The following PDZRN4 variants were observed in gnomAD, a reference collection of about 807,000 sequenced individuals.
PDZRN4 encodes the protein PDZ domain-containing RING finger protein 4.
PDZRN4 carries 70 observed loss-of-function variants against 99.0 expected under a neutral mutation model. The observed-to-expected ratio is 0.71, with a 90% CI of 0.58 to 0.86. The LOEUF (loss-of-function observed/expected upper bound fraction) is 0.86. Among genes scored for constraint, PDZRN4 ranks in the 40% least tolerant of loss-of-function variants. The pLI is 0.00. For missense variants in PDZRN4, 1,474 were observed against 1,331.2 expected, an observed-to-expected ratio of 1.11 and a Z score of -1.67; for synonymous variants, 551 against 501.6, an observed-to-expected ratio of 1.10 and a Z score of -1.32.
chr12:41,428,894 T>C (rs1476625784), intron 3 of PDZRN4, among the ~76,000 whole-genome samples: 2 of 152,246 alleles, frequency 1.3e-5, no homozygotes, highest in East Asian at 3.9e-4. Flanking sequence ...ACAGTTCAGA[T>C]TGACAGGGCC....
At chr12:41,220,645 TA>T (rs1268424595) in intron 3 of PDZRN4, among the ~76,000 whole-genome samples, 1 of 152,146 alleles carries the variant, frequency 6.6e-6, no homozygotes, top group Non-Finnish European at 1.5e-5. Context: ...TGTATACAAC[TA>T]GACTCTGGTA....
At chr12:41,260,081 A>G (rs917352268) in intron 3 of PDZRN4, among the ~76,000 whole-genome samples, 5 of 152,190 alleles carry the variant, frequency 3.3e-5, no homozygotes, top group Admixed American at 3.3e-4. Flanking sequence ...AAATAATCTA[A>G]TGCATTTTCT....
chr12:41,450,213 A>G (rs948788209), intron 3 of PDZRN4, among the ~76,000 whole-genome samples: 3 of 152,164 alleles, frequency 2.0e-5, no homozygotes, highest in Non-Finnish European at 4.4e-5. Context: ...TTTTACTTGT[A>G]TTATTTGTTA....
intron 3 of PDZRN4, chr12:41,412,555 GATAA>G (rs1289774377): frequency 2.0e-5 from 3 of 152,076 alleles, no homozygotes; most frequent in Non-Finnish European, 4.4e-5. Flanking sequence ...AAGATGTATA[GATAA>G]ATACTCAGTA....
chr12:41,224,406 A>G (rs1950979495), intron 3 of PDZRN4, among the ~76,000 whole-genome samples: 1 of 152,200 alleles, frequency 6.6e-6, no homozygotes, highest in Non-Finnish European at 1.5e-5. Context: ...AGTCTTGTAC[A>G]TTTATTGTAT....
intron 3 of PDZRN4, among the ~76,000 whole-genome samples, chr12:41,417,607 A>G (rs959059392): frequency 6.6e-6 from 1 of 152,254 alleles, no homozygotes; most frequent in Non-Finnish European, 1.5e-5. Context: ...ATGCAATGTC[A>G]GAACTCCTAT....
chr12:41,401,548 C>T (rs907532763), intron 3 of PDZRN4, among the ~76,000 whole-genome samples: 1 of 152,116 alleles, frequency 6.6e-6, no homozygotes, highest in African/African-American at 2.4e-5. Flanking sequence ...CTTGCCTCAA[C>T]CTTTTTCACC....
At chr12:41,380,883 A>G (rs1389681324) in intron 3 of PDZRN4, among the ~76,000 whole-genome samples, 1 of 152,112 alleles carries the variant, frequency 6.6e-6, no homozygotes, top group African/African-American at 2.4e-5. Context: ...GAAGTAATCC[A>G]TGTGGCATTT....
rs1938840659 is a variant in PDZRN4, at chr12:41,540,901, TTCG to T, written c.1204-11753_1204-11751del. 1.2e-4 allele frequency among the ~76,000 whole-genome samples: 5 copies of T among 40,290 alleles called. No homozygotes were observed. The South Asian group carries it at 4.1e-3, about 33-fold the overall frequency. 26.4% of individuals were successfully genotyped at this position (40,290 alleles called of 152,430 possible). On this transcript the variant is annotated intron_variant, in intron 5 of 9. Coordinates refer to ENST00000402685, the MANE Select transcript of PDZRN4 (RefSeq NM_001164595.2). ...GTTGTTGTTGTTGTTGTCCCTTTTC[TTCG>T]TTGTTGTTGTTGTTGTTGTTGTTGT... is the stretch of plus-strand genomic sequence containing the variant.
chr12:41,280,026 T>C (rs554673066), intron 3 of PDZRN4, among the ~76,000 whole-genome samples: 12 of 152,166 alleles, frequency 7.9e-5, no homozygotes, highest in East Asian at 3.9e-4. Flanking sequence ...GTTCTTCTCA[T>C]TGGGACTGGT....
intron 5 of PDZRN4, among the ~76,000 whole-genome samples, chr12:41,531,941 T>C (rs374040916): frequency 6.6e-6 from 1 of 152,210 alleles, no homozygotes; most frequent in East Asian, 1.9e-4. Context: ...CTAATTTTAA[T>C]GCAGTAAAAT....
At chr12:41,527,081 A>G (rs575828361) in intron 5 of PDZRN4, among the ~76,000 whole-genome samples, 5 of 152,366 alleles carry the variant, frequency 3.3e-5, no homozygotes, top group South Asian at 2.1e-4. Context: ...GACATTCACA[A>G]TAATAAAATA....
In PDZRN4 at chr12:41,572,306, T is replaced by C. The variant is rs10880102; in HGVS notation, c.1585-58T>C. The C allele has an allele frequency of 8.8e-3, 12,620 of 1,432,526 alleles. 653 individuals are homozygous for C. The East Asian group carries it at 0.16, about 18-fold the overall frequency. 88.7% of individuals were successfully genotyped at this position (1,432,526 alleles called of 1,614,324 possible). A position where few individuals can be genotyped will look rare whatever the true frequency, so the allele number is the denominator to read the frequency against. On this transcript the variant is annotated intron_variant, in intron 9 of 9. Transcript: ENST00000402685. ...ATTGGTTTTCAAACAAGATTTTTAA[T>C]AACAAATGTCTTCCAAAATCATTAA...
intron 5 of PDZRN4, among the ~76,000 whole-genome samples, chr12:41,516,240 T>C (rs1938399236): frequency 6.6e-6 from 1 of 152,086 alleles, no homozygotes; most frequent in Non-Finnish European, 1.5e-5. Flanking sequence ...TATGTACTTG[T>C]CTATTCTTCT....
intron 3 of PDZRN4, among the ~76,000 whole-genome samples, chr12:41,271,186 T>TA (rs146513828): frequency 0.011 from 1,730 of 151,882 alleles, 53 homozygotes; most frequent in East Asian, 0.097. Flanking sequence ...CTAGAGATTT[T>TA]AAAAAAACTA....
chr12:41,425,350 G>A (rs1437874747), intron 3 of PDZRN4, among the ~76,000 whole-genome samples: 1 of 151,286 alleles, frequency 6.6e-6, no homozygotes, highest in East Asian at 1.9e-4. Context: ...TGGAAGTATA[G>A]CCAAGGAGTA....
At chr12:41,409,560 A>G (rs1253138035) in intron 3 of PDZRN4, 23 of 152,198 alleles carry the variant, frequency 1.5e-4, no homozygotes, top group Non-Finnish European at 1.5e-5. Flanking sequence ...GTTATTTAAC[A>G]CTTTATAAAT....
chr12:41,301,009 G>A (rs1395177097), intron 3 of PDZRN4, among the ~76,000 whole-genome samples: 2 of 151,966 alleles, frequency 1.3e-5, no homozygotes, highest in African/African-American at 2.4e-5. Context: ...TCTATAAGGG[G>A]AATTTCTTAT....
chr12:41,491,258 C>T (rs916035006), intron 3 of PDZRN4, among the ~76,000 whole-genome samples: 5 of 152,112 alleles, frequency 3.3e-5, no homozygotes, highest in Non-Finnish European at 4.4e-5. Context: ...AGTGGTGGCT[C>T]ACACCTCTAA....
Sources: gnomAD v4.1 joint callset for allele counts (sites outside exome capture counted in the v4.1 genomes callset) on GRCh38, gnomAD v4.1.1 for gene constraint, MANE v1.5 for transcripts, NCBI Gene and HGNC (gene_info 2026-07-23, HGNC 2026-07-21) for gene names.